The following MEIS2 variants were observed in gnomAD, a reference collection of about 807,000 sequenced individuals.
MEIS2 encodes the protein homeobox protein Meis2.
MEIS2 carries 9 observed loss-of-function variants against 58.6 expected under a neutral mutation model. The ratio of observed to expected loss-of-function variants is 0.15; its 90% confidence interval spans 0.09 to 0.27. The LOEUF (loss-of-function observed/expected upper bound fraction) is 0.27. MEIS2 is among the 10% of genes least tolerant of loss of function. MEIS2 has a pLI of 1.00. For synonymous variants in MEIS2, 221 were observed against 228.4 expected, an observed-to-expected ratio of 0.97 and a Z score of 0.29; for missense variants, 427 against 635.0, an observed-to-expected ratio of 0.67 and a Z score of 3.52.
At chr15:36,980,868 A>T (rs2059909505) in intron 8 of MEIS2, among the ~76,000 whole-genome samples, 1 of 152,158 alleles carries the variant, frequency 6.6e-6, no homozygotes, top group African/African-American at 2.4e-5. Flanking sequence ...CCTTCATTTC[A>T]GTGCCTGTTT....
At chr15:37,034,379 C>A (rs1012707677) in intron 8 of MEIS2, among the ~76,000 whole-genome samples, 22 of 152,320 alleles carry the variant, frequency 1.4e-4, no homozygotes, top group African/African-American at 5.3e-4. Context: ...CTATTTGAGT[C>A]CTCTCTCCCA....
At chr15:36,940,738 G>T (rs978617541) in intron 9 of MEIS2, among the ~76,000 whole-genome samples, 3 of 152,166 alleles carry the variant, frequency 2.0e-5, no homozygotes, top group Admixed American at 6.5e-5. Flanking sequence ...CATACCTGAA[G>T]CTTATTTAAT....
intron 9 of MEIS2, among the ~76,000 whole-genome samples, chr15:36,909,100 T>C (rs1443113860): frequency 6.6e-6 from 1 of 152,192 alleles, no homozygotes; most frequent in Non-Finnish European, 1.5e-5. Context: ...AGGACAACAC[T>C]ATTCCTTTGG....
intron 9 of MEIS2, chr15:36,901,239 G>C (rs2056455235): frequency 6.6e-6 from 1 of 152,156 alleles, no homozygotes; most frequent in African/African-American, 2.4e-5. Context: ...CACAGCACTT[G>C]CTCCTGGCTG....
intron 8 of MEIS2, among the ~76,000 whole-genome samples, chr15:37,020,309 G>C (rs771211041): frequency 5.3e-5 from 8 of 151,868 alleles, no homozygotes; most frequent in Non-Finnish European, 1.2e-4. Context: ...TACCCTCCCT[G>C]ATCTAAAACC....
intron 8 of MEIS2, among the ~76,000 whole-genome samples, chr15:36,983,471 T>A (rs1488202102): frequency 1.3e-5 from 2 of 152,086 alleles, no homozygotes; most frequent in Non-Finnish European, 2.9e-5. Flanking sequence ...ATAGATTTAT[T>A]TCTAGGTTCT....
intron 2 of MEIS2, chr15:37,096,645 C>T: frequency 2.2e-6 from 1 of 452,728 alleles, no homozygotes; most frequent in Non-Finnish European, 3.8e-6. Flanking sequence ...AGAGGTCCCT[C>T]AGATCTGGCC....
At position 37,016,528 on chromosome 15, in the gene MEIS2, C is replaced by T. The variant is rs532828633; in HGVS notation, c.900+20286G>A. Among the ~76,000 whole-genome samples the T allele has an allele frequency of 4.6e-5, 7 of 151,952 alleles. No individual in the cohort carries two copies. In the South Asian group the frequency reaches 6.2e-4, roughly 14 times the overall value. ...TTAAAAAAAAGTCCCTCCAGCAGCT[C>T]GAAAAGGGATCAGTGAAGTAAGAAT... On this transcript the variant is annotated intron_variant, in intron 8 of 11. Coordinates refer to ENST00000561208, the MANE Select transcript of MEIS2 (RefSeq NM_170675.5).
At chr15:37,059,099 T>C (rs75724424) in intron 7 of MEIS2, among the ~76,000 whole-genome samples, 2,362 of 152,316 alleles carry the variant, frequency 0.016, 60 homozygotes, top group African/African-American at 0.054. Flanking sequence ...ATAAGTTTAT[T>C]TGCCCAGTGC....
intron 9 of MEIS2, among the ~76,000 whole-genome samples, chr15:36,903,276 A>G (rs1238699576): frequency 6.6e-6 from 1 of 152,214 alleles, no homozygotes; most frequent in Admixed American, 6.5e-5. Context: ...GCTATTTATC[A>G]TGCACTATAA....
chr15:36,922,056 G>A (rs2057532944), intron 9 of MEIS2, among the ~76,000 whole-genome samples: 1 of 152,160 alleles, frequency 6.6e-6, no homozygotes, highest in African/African-American at 2.4e-5. Flanking sequence ...TATCATTTTT[G>A]TCTGGCAAGT....
chr15:37,076,476 C>T (rs1343109297), intron 7 of MEIS2, among the ~76,000 whole-genome samples: 1 of 151,924 alleles, frequency 6.6e-6, no homozygotes, highest in Non-Finnish European at 1.5e-5. Context: ...CCTTAAGACC[C>T]CCAAGGCTAT....
intron 9 of MEIS2, among the ~76,000 whole-genome samples, chr15:36,941,199 C>CA (rs1398896551): frequency 6.6e-6 from 1 of 152,130 alleles, no homozygotes; most frequent in East Asian, 1.9e-4. Flanking sequence ...TAGTAACTCA[C>CA]GGCTAAGAAA....
At chr15:36,911,805 T>G (rs2057040639) in intron 9 of MEIS2, among the ~76,000 whole-genome samples, 1 of 152,158 alleles carries the variant, frequency 6.6e-6, no homozygotes, top group South Asian at 2.1e-4. Context: ...AGCTACTCTA[T>G]TATTACCATG....
At chr15:36,922,619 C>CTTTTTTTTT (rs59227539) in intron 9 of MEIS2, among the ~76,000 whole-genome samples, 35 of 126,864 alleles carry the variant, frequency 2.8e-4, no homozygotes, top group South Asian at 5.1e-4. Context: ...TTCTTTCTTT[C>CTTTTTTTTT]TTTTTTTTTT....
intron 9 of MEIS2, among the ~76,000 whole-genome samples, chr15:36,902,775 T>C (rs1257570761): frequency 6.6e-6 from 1 of 152,164 alleles, no homozygotes; most frequent in Non-Finnish European, 1.5e-5. Flanking sequence ...AAACAGCCTT[T>C]TACTCACTTG....
intron 6 of MEIS2, among the ~76,000 whole-genome samples, chr15:37,091,979 T>C (rs1417319141): frequency 6.6e-6 from 1 of 152,168 alleles, no homozygotes; most frequent in Non-Finnish European, 1.5e-5. Flanking sequence ...TAAATATTTC[T>C]TAGGTAGTGT....
chr15:37,086,210 C>T (rs1892861076), intron 6 of MEIS2, among the ~76,000 whole-genome samples: 1 of 152,112 alleles, frequency 6.6e-6, no homozygotes, highest in African/African-American at 2.4e-5. Context: ...AAATGTCATC[C>T]AATAGCTATT....
At chr15:36,970,831 A>G (rs146630788) in intron 8 of MEIS2, among the ~76,000 whole-genome samples, 142 of 152,308 alleles carry the variant, frequency 9.3e-4, no homozygotes, top group African/African-American at 3.2e-3. Context: ...GGAGAAAGCA[A>G]TTAAAGCTTT....
Sources: gnomAD v4.1 joint callset for allele counts (sites outside exome capture counted in the v4.1 genomes callset) on GRCh38, gnomAD v4.1.1 for gene constraint, MANE v1.5 for transcripts, NCBI Gene and HGNC (gene_info 2026-07-23, HGNC 2026-07-21) for gene names.